DPYD: variants seen among roughly 807,000 people sequenced by gnomAD.
DPYD encodes the protein dihydropyrimidine dehydrogenase.
DPYD carries 109 observed loss-of-function variants against 116.2 expected under a neutral mutation model. The observed-to-expected ratio is 0.94, with a 90% CI of 0.80 to 1.10. The LOEUF is 1.10. Among genes scored for constraint, DPYD ranks in the 50% least tolerant of loss-of-function variants. DPYD has a pLI of 0.00. For missense variants in DPYD, 1,302 were observed against 1,254.5 expected, an observed-to-expected ratio of 1.04 and a Z score of -0.57; for synonymous variants, 440 against 432.0, an observed-to-expected ratio of 1.02 and a Z score of -0.23.
chr1:97,204,706 C>T (rs1344881970), intron 19 of DPYD, among the ~76,000 whole-genome samples: 1 of 152,004 alleles, frequency 6.6e-6, no homozygotes, highest in Non-Finnish European at 1.5e-5. Flanking sequence ...TTTTTCATTC[C>T]TGTCTTTATA....
chr1:97,602,143 T>C, intron 8 of DPYD, among the ~76,000 whole-genome samples: 1 of 152,122 alleles, frequency 6.6e-6, no homozygotes, highest in South Asian at 2.1e-4. Flanking sequence ...TTACTGAGTA[T>C]TATTATATCA....
chr1:97,287,641 C>T (rs1445113186), intron 18 of DPYD, among the ~76,000 whole-genome samples: 1 of 152,144 alleles, frequency 6.6e-6, no homozygotes, highest in Non-Finnish European at 1.5e-5. Flanking sequence ...TGGCGAGCAC[C>T]CCTCCCCCAG....
At chr1:97,606,358 G>T (rs570991792) in intron 8 of DPYD, among the ~76,000 whole-genome samples, 1 of 152,058 alleles carries the variant, frequency 6.6e-6, no homozygotes, top group South Asian at 2.1e-4. Context: ...AAAAAATTTA[G>T]AATAGAGCAA....
intron 8 of DPYD, among the ~76,000 whole-genome samples, chr1:97,615,324 C>T (rs1656198660): frequency 6.6e-6 from 1 of 152,042 alleles, no homozygotes. Flanking sequence ...ATCATTGATT[C>T]AAAATATATT....
At chr1:97,537,851 T>A (rs1650132162) in intron 12 of DPYD, among the ~76,000 whole-genome samples, 1 of 152,198 alleles carries the variant, frequency 6.6e-6, no homozygotes, top group African/African-American at 2.4e-5. Flanking sequence ...ACTTTCAATC[T>A]TGAATTCATC....
intron 14 of DPYD, among the ~76,000 whole-genome samples, chr1:97,383,272 T>C (rs1054299599): frequency 6.6e-6 from 1 of 151,538 alleles, no homozygotes; most frequent in Non-Finnish European, 1.5e-5. Context: ...AGGTCAGGAG[T>C]TCGAGACCAA....
intron 3 of DPYD, among the ~76,000 whole-genome samples, chr1:97,822,159 A>ATTCCTAT (rs1449646196): frequency 1.3e-5 from 2 of 151,116 alleles, no homozygotes; most frequent in Admixed American, 1.3e-4. Context: ...GCCACATTTC[A>ATTCCTAT]TTCCTATTTT....
chr1:97,547,711 C>T (rs559568366), intron 12 of DPYD, among the ~76,000 whole-genome samples: 1 of 152,160 alleles, frequency 6.6e-6, no homozygotes, highest in African/African-American at 2.4e-5. Context: ...GATGAGGTCT[C>T]ACTCTGTCAC....
chr1:97,487,472 C>G (rs557078850), intron 13 of DPYD, among the ~76,000 whole-genome samples: 274 of 152,092 alleles, frequency 1.8e-3, no homozygotes, highest in African/African-American at 4.6e-3. Flanking sequence ...AGGAGATCGA[C>G]ACCATCCTGG....
rs971271468 is a variant in DPYD, at chr1:97,103,735, C to T, written c.2623-5103G>A. On this transcript the variant is annotated intron_variant, in intron 20 of 22. Coordinates refer to ENST00000370192, the MANE Select transcript of DPYD (RefSeq NM_000110.4). ...CACTCATTAGCTGTGTGACTATGAG[C>T]CAATTACTTTACTATTCTGCTACTA... Among the ~76,000 whole-genome samples the T allele has an allele frequency of 2.2e-4, 34 of 152,112 alleles. No homozygotes were observed. In the South Asian group the frequency reaches 2.9e-3, roughly 13 times the overall value.
At chr1:97,797,748 C>A (rs1667643023) in intron 3 of DPYD, 1 of 151,844 alleles carries the variant, frequency 6.6e-6, no homozygotes, top group Non-Finnish European at 1.5e-5. Flanking sequence ...ATCATGAGGC[C>A]AGCACTATTT....
intron 14 of DPYD, among the ~76,000 whole-genome samples, chr1:97,433,177 G>T (rs895185674): frequency 5.3e-5 from 8 of 152,102 alleles, no homozygotes; most frequent in Non-Finnish European, 7.3e-5. Context: ...CCCTGCCTTA[G>T]CCTTCAGCAG....
At chr1:97,668,567 A>C (rs1162885758) in intron 8 of DPYD, among the ~76,000 whole-genome samples, 2 of 152,106 alleles carry the variant, frequency 1.3e-5, no homozygotes, top group Non-Finnish European at 2.9e-5. Flanking sequence ...TTGCTAGCAC[A>C]CTGCTAGGTA....
At chr1:97,920,086 T>C (rs1469651924) in intron 1 of DPYD, among the ~76,000 whole-genome samples, 1 of 152,300 alleles carries the variant, frequency 6.6e-6, no homozygotes, top group East Asian at 1.9e-4. Context: ...AATCAGTTTG[T>C]CTTAGCTCAA....
At chr1:97,104,193 T>G (rs976793430) in intron 20 of DPYD, among the ~76,000 whole-genome samples, 1 of 152,124 alleles carries the variant, frequency 6.6e-6, no homozygotes, top group Non-Finnish European at 1.5e-5. Flanking sequence ...GTGCTGAATA[T>G]AATTTTTCAA....
At chr1:97,851,263 T>TATATAC (rs1224644511) in intron 2 of DPYD, among the ~76,000 whole-genome samples, 2 of 150,866 alleles carry the variant, frequency 1.3e-5, no homozygotes, top group Non-Finnish European at 3.0e-5. Flanking sequence ...TATATATATA[T>TATATAC]ATATGTCACT....
At chr1:97,787,072 T>C (rs1667078221) in intron 3 of DPYD, among the ~76,000 whole-genome samples, 1 of 152,176 alleles carries the variant, frequency 6.6e-6, no homozygotes, top group Admixed American at 6.5e-5. Flanking sequence ...CTATTTTCCA[T>C]ACAATAGTAA....
intron 8 of DPYD, among the ~76,000 whole-genome samples, chr1:97,650,550 T>G (rs946293579): frequency 6.6e-6 from 1 of 152,148 alleles, no homozygotes; most frequent in African/African-American, 2.4e-5. Context: ...GATTTTAGTT[T>G]ATGATGGTGA....
intron 13 of DPYD, among the ~76,000 whole-genome samples, chr1:97,462,543 T>C (rs754353892): frequency 3.9e-5 from 6 of 152,158 alleles, no homozygotes; most frequent in Non-Finnish European, 7.4e-5. Flanking sequence ...TGCCTCATTC[T>C]ACCCTCCTCC....
Sources: allele counts gnomAD v4.1 joint callset (sites outside exome capture counted in the v4.1 genomes callset), GRCh38; gene constraint gnomAD v4.1.1; transcripts MANE v1.5; gene names NCBI Gene and HGNC (gene_info 2026-07-23, HGNC 2026-07-21).